The following CUX1 variants were observed in gnomAD, a reference collection of about 807,000 sequenced individuals.
CUX1 encodes protein CASP.
CUX1 carries 31 observed loss-of-function variants against 158.8 expected under a neutral mutation model. The observed-to-expected ratio is 0.20, with a 90% confidence interval of 0.15 to 0.26. The LOEUF (loss-of-function observed/expected upper bound fraction) is 0.26, where lower values mean the gene tolerates loss of function less well. Among genes scored for constraint, CUX1 ranks in the 10% least tolerant of loss-of-function variants. The pLI is 1.00. For missense variants in CUX1, 1,589 were observed against 2,014.6 expected (o/e 0.79, Z 4.04); for synonymous variants, 879 against 862.1 (o/e 1.02, Z -0.34).
rs141907502 is a variant in CUX1, at chr7:101,925,374, G to C, written c.141+9149G>C. ...GATCCACCTGCCTCGGCCTCCTAAA[G>C]TGTTGGGATTACAGGCATGAGGCAC... On this transcript the variant is annotated intron_variant, in intron 2 of 23. Coordinates refer to ENST00000292535, the MANE Select transcript of CUX1 (RefSeq NM_181552.4). 2.2e-4 allele frequency among the ~76,000 whole-genome samples: 34 copies of C among 152,316 alleles called. 1 individual carries two copies. In the East Asian group the frequency reaches 6.4e-3, roughly 29 times the overall value.
At chr7:101,958,488 T>C (rs1296406592) in intron 2 of CUX1, among the ~76,000 whole-genome samples, 1 of 146,402 alleles carries the variant, frequency 6.8e-6, no homozygotes, top group Admixed American at 6.8e-5. Context: ...TCTTTTTTTT[T>C]TTTTTTTTTT....
chr7:102,044,990 G>T, intron 3 of CUX1, among the ~76,000 whole-genome samples: 1 of 152,162 alleles, frequency 6.6e-6, no homozygotes, highest in East Asian at 1.9e-4. Flanking sequence ...TGGGCCTTCT[G>T]CAGTGGTGGA....
At chr7:102,104,542 T>C in intron 6 of CUX1, 83 bp downstream of exon 6, 2 of 1,539,416 alleles carry the variant, frequency 1.3e-6, no homozygotes, top group South Asian at 1.2e-5. Context: ...GATAAATGGA[T>C]CTGCAAAATA....
chr7:101,930,509 G>A (rs1806166635), intron 2 of CUX1, among the ~76,000 whole-genome samples: 1 of 152,154 alleles, frequency 6.6e-6, no homozygotes, highest in South Asian at 2.1e-4. Context: ...AGCGCGTGTG[G>A]TGTGGGTGGG....
At chr7:101,833,470 G>A (rs1400214040) in intron 1 of CUX1, among the ~76,000 whole-genome samples, 2 of 148,376 alleles carry the variant, frequency 1.3e-5, no homozygotes, top group South Asian at 2.1e-4. Flanking sequence ...CAGGAGGATC[G>A]CTTGAGCCCA....
upstream of CUX1, among the ~76,000 whole-genome samples, chr7:101,816,728 C>T (rs1791846883): frequency 6.9e-6 from 1 of 144,854 alleles, no homozygotes; most frequent in African/African-American, 2.5e-5. Flanking sequence ...TGTGGTGCCG[C>T]CGGCTCGGGG....
chr7:102,068,850 G>A (rs997594259), intron 3 of CUX1, among the ~76,000 whole-genome samples: 10 of 152,210 alleles, frequency 6.6e-5, no homozygotes, highest in African/African-American at 2.4e-4. Flanking sequence ...CAGCAAGTGT[G>A]TAGGTAAGCT....
At chr7:102,185,418 A>G (rs182693699) in intron 11 of CUX1, among the ~76,000 whole-genome samples, 61 of 151,906 alleles carry the variant, frequency 4.0e-4, no homozygotes, top group Middle Eastern at 3.4e-3. Flanking sequence ...TGGTTGGTTG[A>G]TTGGTTGATT....
At chr7:102,234,963 T>A (rs1350887349) in intron 22 of CUX1, among the ~76,000 whole-genome samples, 1 of 151,724 alleles carries the variant, frequency 6.6e-6, no homozygotes, top group African/African-American at 2.4e-5. Context: ...AAACAGAGGT[T>A]CAGAGAGGTT....
chr7:102,198,940 G>A (rs1795092379), intron 16 of CUX1, 73 bp downstream of exon 16: 2 of 1,367,154 alleles, frequency 1.5e-6, no homozygotes, highest in South Asian at 2.3e-5. Flanking sequence ...TGTGTATTTG[G>A]GTTAAAACTG....
intron 1 of CUX1, among the ~76,000 whole-genome samples, chr7:101,885,525 C>T (rs1800133285): frequency 1.3e-5 from 2 of 152,122 alleles, no homozygotes; most frequent in Non-Finnish European, 2.9e-5. Flanking sequence ...CACCACTGCT[C>T]TCCAGCCTGG....
chr7:102,247,921 C>T (rs371405463), intron 23 of CUX1, among the ~76,000 whole-genome samples: 2 of 151,998 alleles, frequency 1.3e-5, no homozygotes, highest in African/African-American at 2.4e-5. Context: ...ATGTGAGGTC[C>T]GGAGTTTGAG....
intron 2 of CUX1, among the ~76,000 whole-genome samples, chr7:101,983,360 T>C (rs2410922): frequency 0.73 from 111,270 of 152,032 alleles, 41,201 homozygotes; most frequent in East Asian, 0.92. Context: ...GAAACTTCTC[T>C]AACACCCCTC....
At position 102,248,380 on chromosome 7, in the gene CUX1, C is replaced by G. The variant is rs782487300; in HGVS notation, c.3888-32C>G. 1.2e-5 allele frequency: 19 copies of G among 1,552,526 alleles called. No individual in the cohort carries two copies. The highest frequency in any genetic ancestry group is 1.7e-4 in the Middle Eastern group (1 of 5,968). On this transcript the variant is annotated intron_variant, in intron 23 of 23. Coordinates refer to ENST00000292535, the MANE Select transcript of CUX1 (RefSeq NM_181552.4). This position sits in a 1 kb window ranked among gnomAD's most constrained non-coding sequence, Gnocchi z 5.8. Reference sequence around the variant, plus strand: ...AGAGGCCCTTTCCCCAGCAGCACCCCCCTCACGTCCCCGCCGCTTGTTGTC... The same window carrying G: ...AGAGGCCCTTTCCCCAGCAGCACCCGCCTCACGTCCCCGCCGCTTGTTGTC...
intron 22 of CUX1, chr7:102,282,922 C>A: frequency 1.1e-6 from 1 of 895,246 alleles, no homozygotes; most frequent in Non-Finnish European, 1.8e-6. Context: ...CCCCTACTCC[C>A]GGTATCCACT....
intron 8 of CUX1, among the ~76,000 whole-genome samples, chr7:102,116,990 G>A (rs1253671540): frequency 6.6e-6 from 1 of 152,200 alleles, no homozygotes; most frequent in Admixed American, 6.5e-5. Context: ...GGGGAGACAG[G>A]CCATTGCAAT....
chr7:101,831,217 T>C (rs895495785), intron 1 of CUX1, among the ~76,000 whole-genome samples: 1 of 152,086 alleles, frequency 6.6e-6, no homozygotes, highest in Non-Finnish European at 1.5e-5. Context: ...GAGTGTCTCC[T>C]GTGTGCCGGG....
chr7:102,158,516 G>T (rs782380608), intron 8 of CUX1, 44 bp from the exon 9 acceptor site: 1 of 1,606,894 alleles, frequency 6.2e-7, no homozygotes, highest in Non-Finnish European at 8.5e-7. Flanking sequence ...CCCCTGAGCC[G>T]GTCTCCTTGT....
In CUX1 at chr7:102,060,608, A is replaced by ACACACACACACACACACACACACAC. The variant is rs1824723298; in HGVS notation, c.190-9731_190-9730insCACACACACACACACACACACACAC. ...ATATATATATACACACACACAAATA[A>ACACACACACACACACACACACACAC]ACACACACACACACACACACACACA... On this transcript the variant is annotated intron_variant, in intron 3 of 23. Coordinates refer to ENST00000292535, the MANE Select transcript of CUX1 (RefSeq NM_181552.4). Among the ~76,000 whole-genome samples, 3 of 133,306 alleles carry ACACACACACACACACACACACACAC rather than the reference A, an allele frequency of 2.3e-5. No homozygotes were observed. The East Asian group carries it at 6.9e-4, about 31-fold the overall frequency. The allele number at this position is 133,306 out of a possible 152,430, so 87.5% of individuals were successfully genotyped here.
Sources: gnomAD v4.1 joint callset for allele counts (sites outside exome capture counted in the v4.1 genomes callset) on GRCh38, gnomAD v4.1.1 for gene constraint, Gnocchi (gnomAD v3.1) non-coding constraint, MANE v1.5 for transcripts, NCBI Gene and HGNC (gene_info 2026-07-23, HGNC 2026-07-21) for gene names.